INPP4B: variants seen among roughly 807,000 people sequenced by gnomAD.
The protein encoded by INPP4B is inositol polyphosphate 4-phosphatase type II.
In INPP4B, 55 loss-of-function variants were observed where a neutral mutation model predicts 122.5. The ratio of observed to expected loss-of-function variants is 0.45; its 90% CI spans 0.36 to 0.56. The LOEUF (loss-of-function observed/expected upper bound fraction) is 0.56. INPP4B is among the 20% of genes least tolerant of loss of function. The pLI is 0.00. For synonymous variants in INPP4B, 403 were observed against 388.7 expected (o/e 1.04, Z -0.43); for missense variants, 1,000 against 1,097.7 (o/e 0.91, Z 1.26).
At position 142,788,882 on chromosome 4, in the gene INPP4B, A is replaced by G. The variant is rs148038694; in HGVS notation, c.-254+57327T>C. Among the ~76,000 whole-genome samples the G allele has an allele frequency of 9.0e-3, 1,365 of 152,220 alleles. 13 individuals are homozygous for G. Among genetic ancestry groups the G allele is most frequent in the Non-Finnish European group, 0.013 (894 of 68,002 alleles). ...CAATTTTTGATCAAAAAGATAATCCACCATGATCAAGTGGGTTTTATGCCA... is the reference window on the plus strand; with the variant it reads ...CAATTTTTGATCAAAAAGATAATCCGCCATGATCAAGTGGGTTTTATGCCA... On this transcript the variant is annotated intron_variant, in intron 1 of 25. Transcript: ENST00000262992.
At chr4:142,698,212 G>C (rs1339125114) in intron 2 of INPP4B, among the ~76,000 whole-genome samples, 4 of 151,874 alleles carry the variant, frequency 2.6e-5, no homozygotes, top group Non-Finnish European at 5.9e-5. Context: ...GATCTTACAA[G>C]TTATAAACAA....
chr4:142,310,107 C>T (rs1764907794), intron 8 of INPP4B, among the ~76,000 whole-genome samples: 7 of 152,206 alleles, frequency 4.6e-5, no homozygotes, highest in Admixed American at 3.3e-4. Flanking sequence ...TCTCACAAAG[C>T]CTGTATTCAA....
intron 1 of INPP4B, among the ~76,000 whole-genome samples, chr4:142,799,196 C>A (rs1197522676): frequency 2.0e-5 from 3 of 151,890 alleles, no homozygotes; most frequent in African/African-American, 7.2e-5. Context: ...GCTACTTATA[C>A]AACCCCTTGT....
chr4:142,462,307 C>T (rs1338478769), intron 3 of INPP4B, among the ~76,000 whole-genome samples: 7 of 152,158 alleles, frequency 4.6e-5, no homozygotes, highest in Non-Finnish European at 1.0e-4. Flanking sequence ...TCCTCTACTG[C>T]ACTGTAAGTA....
intron 2 of INPP4B, among the ~76,000 whole-genome samples, chr4:142,590,761 T>C (rs1737256426): frequency 6.6e-6 from 1 of 151,556 alleles, no homozygotes; most frequent in Non-Finnish European, 1.5e-5. Flanking sequence ...AAACATACAT[T>C]TCCTTACTTT....
At chr4:142,810,883 T>A (rs534581944) in intron 1 of INPP4B, among the ~76,000 whole-genome samples, 4 of 152,362 alleles carry the variant, frequency 2.6e-5, no homozygotes, top group African/African-American at 9.6e-5. Context: ...GTGTCTTGCA[T>A]ACAAATTGTC....
intron 2 of INPP4B, among the ~76,000 whole-genome samples, chr4:142,591,054 C>T (rs1481821185): frequency 6.6e-6 from 1 of 152,048 alleles, no homozygotes; most frequent in African/African-American, 2.4e-5. Context: ...GTGGCTCATA[C>T]CTGTAATCCC....
At chr4:142,758,145 G>GA (rs1050941737) in intron 1 of INPP4B, among the ~76,000 whole-genome samples, 1 of 152,090 alleles carries the variant, frequency 6.6e-6, no homozygotes, top group Non-Finnish European at 1.5e-5. Flanking sequence ...AAGTGCAGCC[G>GA]AAGGAAGCCA....
intron 12 of INPP4B, among the ~76,000 whole-genome samples, chr4:142,219,644 G>A (rs1373743151): frequency 1.3e-5 from 2 of 152,164 alleles, no homozygotes; most frequent in Admixed American, 6.5e-5. Flanking sequence ...ACAAGACAGA[G>A]TGCTAGCATT....
intron 8 of INPP4B, among the ~76,000 whole-genome samples, chr4:142,311,256 A>G (rs1278038308): frequency 1.3e-5 from 2 of 152,194 alleles, no homozygotes; most frequent in African/African-American, 4.8e-5. Flanking sequence ...TCTCTCCAAA[A>G]TAACACGTAA....
intron 20 of INPP4B, 37 bp from the exon 21 acceptor site, chr4:142,122,282 A>C (rs766169880): frequency 6.9e-7 from 1 of 1,448,266 alleles, no homozygotes; most frequent in Non-Finnish European, 9.6e-7. Context: ...ACAAACAAAC[A>C]TTTGAGGAAA....
At chr4:142,079,237 C>T (rs536516817) in intron 25 of INPP4B, among the ~76,000 whole-genome samples, 23 of 152,096 alleles carry the variant, frequency 1.5e-4, no homozygotes, top group African/African-American at 3.4e-4. Context: ...TCAGTGTAAA[C>T]GTCACCTGAA....
intron 9 of INPP4B, among the ~76,000 whole-genome samples, chr4:142,276,835 A>AT (rs1748672404): frequency 6.6e-6 from 1 of 151,896 alleles, no homozygotes; most frequent in African/African-American, 2.4e-5. Context: ...AGATAAAGCA[A>AT]TTTTTACCTT....
chr4:142,690,515 C>G (rs898784098), intron 2 of INPP4B, among the ~76,000 whole-genome samples: 2 of 152,128 alleles, frequency 1.3e-5, no homozygotes, highest in Non-Finnish European at 1.5e-5. Context: ...CCCTGGCTGC[C>G]TTCAAAATTT....
intron 1 of INPP4B, among the ~76,000 whole-genome samples, chr4:142,840,202 G>A (rs1288644873): frequency 6.6e-6 from 1 of 152,102 alleles, no homozygotes; most frequent in Non-Finnish European, 1.5e-5. Flanking sequence ...GAGGACATTA[G>A]GGGATCTGCT....
chr4:142,349,081 A>G (rs1187372821), intron 7 of INPP4B, among the ~76,000 whole-genome samples: 7 of 152,070 alleles, frequency 4.6e-5, no homozygotes, highest in Non-Finnish European at 8.8e-5. Context: ...ATACTGCTAC[A>G]TAGTCTGTTT....
At chr4:142,444,810 A>G (rs546507864) in intron 3 of INPP4B, among the ~76,000 whole-genome samples, 1 of 152,286 alleles carries the variant, frequency 6.6e-6, no homozygotes, top group East Asian at 1.9e-4. Flanking sequence ...CATAAACACC[A>G]TGGAAGAGTA....
chr4:142,195,342 C>A (rs1271099761), intron 14 of INPP4B, among the ~76,000 whole-genome samples: 1 of 152,054 alleles, frequency 6.6e-6, no homozygotes, highest in Non-Finnish European at 1.5e-5. Flanking sequence ...AAAATAAGTT[C>A]CAGAGATATG....
At chr4:142,671,933 C>T (rs10012488) in intron 2 of INPP4B, among the ~76,000 whole-genome samples, 11,507 of 152,130 alleles carry the variant, frequency 0.076, 478 homozygotes, top group South Asian at 0.1. Context: ...ACTCTATTCT[C>T]GATGCCTAGC....
Sources: allele counts gnomAD v4.1 joint callset (sites outside exome capture counted in the v4.1 genomes callset), GRCh38; gene constraint gnomAD v4.1.1; transcripts MANE v1.5; gene names NCBI Gene and HGNC (gene_info 2026-07-23, HGNC 2026-07-21).